Variants in CNBP observed in about 807,000 individuals in gnomAD.
CNBP encodes cellular nucleic acid-binding protein.
CNBP carries 6 observed loss-of-function variants against 21.2 expected under a neutral mutation model. That is an observed-to-expected ratio of 0.28 (90% CI 0.16 to 0.56). The LOEUF is 0.56. Among genes scored for constraint, CNBP ranks in the 20% least tolerant of loss-of-function variants. CNBP has a pLI of 0.93. For missense variants in CNBP, 112 were observed against 233.1 expected, an observed-to-expected ratio of 0.48 and a Z score of 3.38; for synonymous variants, 61 against 74.9, an observed-to-expected ratio of 0.81 and a Z score of 0.96.
chr3:129,174,369 A>AAAAAAAC, intron 1 of CNBP, among the ~76,000 whole-genome samples: 1 of 149,902 alleles, frequency 6.7e-6, no homozygotes, highest in Non-Finnish European at 1.5e-5. Flanking sequence ...AAAAAAAAAA[A>AAAAAAAC]AAAAACGAAT....
chr3:129,176,138 T>C (rs918855639), intron 1 of CNBP, among the ~76,000 whole-genome samples: 1 of 152,206 alleles, frequency 6.6e-6, no homozygotes, highest in Non-Finnish European at 1.5e-5. Context: ...TGATATTCCT[T>C]AGGAAAACTA....
intron 1 of CNBP, among the ~76,000 whole-genome samples, chr3:129,177,924 C>T (rs1938026286): frequency 6.6e-6 from 1 of 152,038 alleles, no homozygotes; most frequent in African/African-American, 2.4e-5. Context: ...TTTTGGGAGG[C>T]CGAGGCAGAT....
chr3:129,171,004 T>A lies in CNBP; in HGVS notation c.416+75A>T, dbSNP rs928817986. 6.1e-6 allele frequency: 9 copies of A among 1,464,538 alleles called. No individual in the cohort carries two copies. In the African/African-American group the frequency reaches 1.3e-4, roughly 20 times the overall value. The allele number at this position is 1,464,538 out of a possible 1,614,324, so 90.7% of individuals were successfully genotyped here. ...AGTTTCACTGAATTTACTAAGGCCC[T>A]TCCATTTATAGCTAATTCATCTCTG... On this transcript the variant is annotated intron_variant, in intron 4 of 4. Coordinates refer to ENST00000422453, the MANE Select transcript of CNBP (RefSeq NM_003418.5).
At chr3:129,180,180 G>GA (rs530545970) in intron 1 of CNBP, among the ~76,000 whole-genome samples, 217 of 145,044 alleles carry the variant, frequency 1.5e-3, no homozygotes, top group Non-Finnish European at 2.3e-3. Context: ...TAGTAACTAA[G>GA]AAAAAAAAAA....
intron 1 of CNBP, among the ~76,000 whole-genome samples, chr3:129,176,049 T>G (rs1937883582): frequency 6.6e-6 from 1 of 152,182 alleles, no homozygotes; most frequent in Non-Finnish European, 1.5e-5. Context: ...TCACACTACT[T>G]ATATTAGGCA....
At position 129,170,561 on chromosome 3, in the gene CNBP, T is replaced by C; in HGVS notation, c.426A>G (p.Glu142=). Residue 142 remains glutamate, a synonymous_variant, in exon 5 of 5, where the codon GAA becomes GAG. Coordinates refer to ENST00000422453, the MANE Select transcript of CNBP (RefSeq NM_003418.5). Reference sequence around the variant, plus strand: ...TGCAGTTGATGGCTACATGACCAGTTTCACCACACCTAAAAAAGAAATTAA... The same window carrying C: ...TGCAGTTGATGGCTACATGACCAGTCTCACCACACCTAAAAAAGAAATTAA... ...CTKVKCYRCG[E]TGHVAINCSK... 6.2e-7 allele frequency: 1 copy of C among 1,613,884 alleles called. No homozygotes were observed. The highest frequency in any genetic ancestry group is 1.3e-5 in the African/African-American group (1 of 75,006).
intron 1 of CNBP, among the ~76,000 whole-genome samples, chr3:129,182,660 G>C (rs947602838): frequency 6.6e-6 from 1 of 152,154 alleles, no homozygotes; most frequent in African/African-American, 2.4e-5. Flanking sequence ...ACTACCGCCC[G>C]CTGCTGTGGT....
In CNBP at chr3:129,172,200, T is replaced by C. The variant is rs146807122; in HGVS notation, c.-14-429A>G. 7.4e-4 allele frequency among the ~76,000 whole-genome samples: 112 copies of C among 152,186 alleles called. 1 individual carries two copies. The highest frequency in any genetic ancestry group is 2.5e-3 in the African/African-American group (103 of 41,538). ...ATAAAATAATCACACAACTACATGATTGGGTATTATAGACTTATTATAATA... is the reference window on the plus strand; with the variant it reads ...ATAAAATAATCACACAACTACATGACTGGGTATTATAGACTTATTATAATA... On this transcript the variant is annotated intron_variant, in intron 1 of 4. Transcript: ENST00000422453.
intron 3 of CNBP, 80 bp downstream of exon 3, chr3:129,171,366 G>A (rs139471480): frequency 6.3e-7 from 1 of 1,595,250 alleles, no homozygotes; most frequent in African/African-American, 1.3e-5. Flanking sequence ...AACCTCAAAG[G>A]TGGAAATGCT....
chr3:129,172,624 C>G (rs55708962), intron 1 of CNBP, among the ~76,000 whole-genome samples: 3,661 of 56,044 alleles, frequency 0.065, 206 homozygotes, highest in African/African-American at 0.14. Flanking sequence ...AGACAGGCAG[C>G]CAGGCAGGCA....
intron 1 of CNBP, among the ~76,000 whole-genome samples, chr3:129,179,217 C>T (rs1313471530): frequency 6.6e-6 from 1 of 151,544 alleles, no homozygotes; most frequent in Non-Finnish European, 1.5e-5. Context: ...GCAGAGGTTG[C>T]GGTGAGCCGA....
At chr3:129,172,651 GGCAGGC>G (rs1451475522) in intron 1 of CNBP, among the ~76,000 whole-genome samples, 11 of 107,216 alleles carry the variant, frequency 1.0e-4, no homozygotes, top group Admixed American at 9.2e-4. Flanking sequence ...CAGGCAGGCA[GGCAGGC>G]AGACAGACAG....
intron 4 of CNBP, 75 bp from the exon 5 acceptor site, chr3:129,170,645 G>A: frequency 9.1e-7 from 1 of 1,100,564 alleles, no homozygotes; most frequent in Non-Finnish European, 1.4e-6. Context: ...TCACCATGCA[G>A]AACAAAACGC....
rs545163061 is a variant in CNBP at position 129,181,396 on chromosome 3, G to A, written c.-15+2380C>T. On this transcript the variant is annotated intron_variant, in intron 1 of 4. Coordinates refer to ENST00000422453, the MANE Select transcript of CNBP (RefSeq NM_003418.5). ...TGGCCAGGCGCGGTGGCTCCTGCCT[G>A]TAATCCTAGCACTTTGAGAGGCCGA... is the stretch of plus-strand genomic sequence containing the variant. Among the ~76,000 whole-genome samples, 237 of 151,606 alleles carry A rather than the reference G, an allele frequency of 1.6e-3. 1 individual carries two copies. Among genetic ancestry groups the A allele is most frequent in the African/African-American group, 5.3e-3 (219 of 41,350 alleles).
At chr3:129,172,673 CAGACAGACAGACAG>C (rs1482055690) in intron 1 of CNBP, among the ~76,000 whole-genome samples, 3 of 114,758 alleles carry the variant, frequency 2.6e-5, no homozygotes, top group South Asian at 3.0e-4. Flanking sequence ...GACAGACAGA[CAGACAGACAGACAG>C]ACAGACAGAC....
chr3:129,172,687 GACAGACAGAC>G (rs1207425054), intron 1 of CNBP, among the ~76,000 whole-genome samples: 1,717 of 93,978 alleles, frequency 0.018, 13 homozygotes, highest in African/African-American at 0.023. Flanking sequence ...CAGACAGACA[GACAGACAGAC>G]ACACACACAC....
rs1491073853 is a variant in CNBP, at chr3:129,172,671, G to GGC, written c.-14-901_-14-900insGC. ...AGGCAGGCAGGCAGACAGACAGACAGACAGACAGACAGACAGACAGACAGA... is the reference window on the plus strand; with the variant it reads ...AGGCAGGCAGGCAGACAGACAGACAGGCACAGACAGACAGACAGACAGACAGA... On this transcript the variant is annotated intron_variant, in intron 1 of 4. Transcript: ENST00000422453. 1.2e-4 allele frequency among the ~76,000 whole-genome samples: 13 copies of GGC among 112,964 alleles called. 1 individual carries two copies. The highest frequency in any genetic ancestry group is 6.8e-4 in the Admixed American group (7 of 10,302). The allele number at this position is 112,964 out of a possible 152,430, so 74.1% of individuals were successfully genotyped here.
At chr3:129,175,101 G>A (rs1487114739) in intron 1 of CNBP, among the ~76,000 whole-genome samples, 3 of 151,978 alleles carry the variant, frequency 2.0e-5, no homozygotes, top group Admixed American at 6.6e-5. Flanking sequence ...GGAGGCAGGC[G>A]GATCATGAGG....
At chr3:129,178,393 AAGACTAACAACT>A (rs1938066912) in intron 1 of CNBP, among the ~76,000 whole-genome samples, 1 of 152,202 alleles carries the variant, frequency 6.6e-6, no homozygotes, top group Admixed American at 6.6e-5. Context: ...GTATGTGGTC[AAGACTAACAACT>A]AGGGTTCTAA....
Sources: gnomAD v4.1 joint callset for allele counts (sites outside exome capture counted in the v4.1 genomes callset) on GRCh38, gnomAD v4.1.1 for gene constraint, MANE v1.5 for transcripts, NCBI Gene and HGNC (gene_info 2026-07-23, HGNC 2026-07-21) for gene names.